MALRD1: variants seen among roughly 807,000 people sequenced by gnomAD.
MALRD1 encodes MAM and LDL-receptor class A domain-containing protein 1.
MALRD1 carries 247 observed loss-of-function variants against 242.1 expected under a neutral mutation model. The observed-to-expected ratio is 1.02, with a 90% CI of 0.92 to 1.13. The LOEUF is 1.13. Among genes scored for constraint, MALRD1 ranks in the 50% most tolerant of loss-of-function variants. The pLI is 0.00. For missense variants in MALRD1, 2,989 were observed against 2,533.1 expected, an observed-to-expected ratio of 1.18 and a Z score of -3.86; for synonymous variants, 995 against 866.6, an observed-to-expected ratio of 1.15 and a Z score of -2.60.
intron 38 of MALRD1, among the ~76,000 whole-genome samples, chr10:19,699,286 G>GGAAAGGAGGGAAAGGAGGGAAAGGAGT: frequency 7.1e-6 from 1 of 140,428 alleles, no homozygotes; most frequent in African/African-American, 3.0e-5. Flanking sequence ...GAGAAAGGAG[G>GGAAAGGAGGGAAAGGAGGGAAAGGAGT]GAAAGGAGGG....
chr10:19,596,851 G>A (rs1229554583), intron 34 of MALRD1, among the ~76,000 whole-genome samples: 1 of 150,864 alleles, frequency 6.6e-6, no homozygotes, highest in Non-Finnish European at 1.5e-5. Flanking sequence ...AAGGAGGGAG[G>A]GACAGAGAGG....
intron 36 of MALRD1, among the ~76,000 whole-genome samples, chr10:19,685,470 A>T (rs758192347): frequency 2.0e-5 from 3 of 152,196 alleles, no homozygotes; most frequent in Non-Finnish European, 4.4e-5. Flanking sequence ...AAGTAGAAGC[A>T]TTAAAGTTTG....
intron 28 of MALRD1, among the ~76,000 whole-genome samples, chr10:19,440,924 C>A (rs9702633): frequency 6.6e-6 from 1 of 150,926 alleles, no homozygotes; most frequent in Non-Finnish European, 1.5e-5. Flanking sequence ...ACCACACTGA[C>A]TTCCACAATG....
At chr10:19,719,211 T>TACAC (rs796121333) in intron 38 of MALRD1, among the ~76,000 whole-genome samples, 1 of 21,474 alleles carries the variant, frequency 4.7e-5, no homozygotes, top group Non-Finnish European at 8.0e-5. Context: ...TATATATATA[T>TACAC]ACACATACAT....
intron 11 of MALRD1, among the ~76,000 whole-genome samples, chr10:19,153,370 T>A (rs1179864716): frequency 6.6e-6 from 1 of 152,178 alleles, no homozygotes; most frequent in Non-Finnish European, 1.5e-5. Flanking sequence ...TCTCCATATT[T>A]TTCTAAGATC....
intron 10 of MALRD1, among the ~76,000 whole-genome samples, chr10:19,137,941 G>A (rs1026897702): frequency 6.6e-6 from 1 of 152,144 alleles, no homozygotes; most frequent in Admixed American, 6.6e-5. Context: ...TTATTTTACT[G>A]CAGTGTCTTA....
intron 18 of MALRD1, among the ~76,000 whole-genome samples, chr10:19,244,813 C>G (rs1588769406): frequency 1.3e-5 from 2 of 152,140 alleles, no homozygotes; most frequent in South Asian, 4.1e-4. Flanking sequence ...CAAATATAGA[C>G]TAATTCTGTA....
intron 29 of MALRD1, among the ~76,000 whole-genome samples, chr10:19,481,829 C>T (rs115273072): frequency 1.8e-3 from 267 of 152,146 alleles, no homozygotes; most frequent in African/African-American, 5.8e-3. Flanking sequence ...TATATTAACA[C>T]GCCAGTACAA....
chr10:19,179,951 A>C (rs1258837897), intron 14 of MALRD1, among the ~76,000 whole-genome samples: 3 of 152,036 alleles, frequency 2.0e-5, no homozygotes, highest in Non-Finnish European at 2.9e-5. Context: ...TTCTAAAACT[A>C]TCCTAGCATC....
chr10:19,586,663 T>A (rs566894566), intron 33 of MALRD1, among the ~76,000 whole-genome samples: 1 of 152,198 alleles, frequency 6.6e-6, no homozygotes, highest in African/African-American at 2.4e-5. Context: ...TTTGCAGAGG[T>A]TACTGCTGTC....
At chr10:19,642,418 T>G (rs963175192) in intron 36 of MALRD1, among the ~76,000 whole-genome samples, 3 of 152,176 alleles carry the variant, frequency 2.0e-5, no homozygotes, top group African/African-American at 7.2e-5. Flanking sequence ...ACAAATTTCT[T>G]TACTTGAAAC....
At chr10:19,328,530 T>C (rs561352591) in intron 23 of MALRD1, among the ~76,000 whole-genome samples, 22 of 152,240 alleles carry the variant, frequency 1.4e-4, no homozygotes, top group Non-Finnish European at 2.6e-4. Flanking sequence ...CATGTGCAGC[T>C]GGGGTAGCCA....
intron 21 of MALRD1, among the ~76,000 whole-genome samples, chr10:19,294,812 A>C (rs78771216): frequency 0.12 from 18,303 of 152,174 alleles, 1,199 homozygotes; most frequent in East Asian, 0.19. Context: ...GGAAAGAAAA[A>C]TACAGTTTTA....
intron 26 of MALRD1, among the ~76,000 whole-genome samples, chr10:19,359,083 A>G (rs191112176): frequency 1.3e-5 from 2 of 152,340 alleles, no homozygotes; most frequent in African/African-American, 4.8e-5. Flanking sequence ...AGAAGAAATT[A>G]TAGTTTTGAA....
chr10:19,196,877 T>A (rs1171926042), intron 14 of MALRD1, among the ~76,000 whole-genome samples: 1 of 152,222 alleles, frequency 6.6e-6, no homozygotes, highest in Admixed American at 6.5e-5. Flanking sequence ...TCCTGTCATG[T>A]CTGCTTTCAA....
chr10:19,311,275 A>G (rs1842412484), intron 21 of MALRD1, among the ~76,000 whole-genome samples: 1 of 151,392 alleles, frequency 6.6e-6, no homozygotes, highest in South Asian at 2.1e-4. Context: ...TTTCATGAGT[A>G]TGTAGGAAGT....
At chr10:19,109,809 G>A (rs149301378) in intron 5 of MALRD1, among the ~76,000 whole-genome samples, 8 of 152,294 alleles carry the variant, frequency 5.3e-5, no homozygotes, top group South Asian at 4.1e-4. Context: ...CACAATGTGC[G>A]CTCCTTCTTT....
intron 28 of MALRD1, among the ~76,000 whole-genome samples, chr10:19,430,479 A>T (rs75092904): frequency 0.057 from 8,675 of 151,834 alleles, 283 homozygotes; most frequent in African/African-American, 0.082. Flanking sequence ...TTCAAGTGCT[A>T]CACACTTTAT....
At chr10:19,586,710 C>T (rs1486013383) in intron 33 of MALRD1, among the ~76,000 whole-genome samples, 1 of 152,238 alleles carries the variant, frequency 6.6e-6, no homozygotes, top group Admixed American at 6.5e-5. Context: ...AGAGGTGGAG[C>T]CTACAGAGGC....
Sources: allele counts gnomAD v4.1 joint callset (sites outside exome capture counted in the v4.1 genomes callset), GRCh38; gene constraint gnomAD v4.1.1; transcripts MANE v1.5; gene names NCBI Gene and HGNC (gene_info 2026-07-23, HGNC 2026-07-21).